CFAP47: variants seen among roughly 807,000 people sequenced by gnomAD.
CFAP47 encodes the protein cilia- and flagella-associated protein 47.
In CFAP47, 29 loss-of-function variants were observed where a neutral mutation model predicts 148.1. That is an observed-to-expected ratio of 0.20 (90% CI 0.15 to 0.27). The LOEUF is 0.27. CFAP47 is among the 10% of genes least tolerant of loss of function. CFAP47 has a pLI of 1.00. For synonymous variants in CFAP47, 664 were observed against 577.3 expected (o/e 1.15, Z -2.15); for missense variants, 1,872 against 1,697.5 (o/e 1.10, Z -1.81).
At chrX:36,236,608 A>G (rs1346319814) in intron 47 of CFAP47, 78 bp from the exon 48 acceptor site, 1 of 435,627 alleles carries the variant, frequency 2.3e-6, no homozygotes, top group African/African-American at 2.5e-5. Flanking sequence ...ATCAGACACA[A>G]GAAGAATAAG....
intron 44 of CFAP47, among the ~76,000 whole-genome samples, chrX:36,203,051 T>C (rs189690743): frequency 1.3e-4 from 14 of 111,592 alleles, no homozygotes; most frequent in Non-Finnish European, 2.4e-4. Context: ...CTAGAATCAA[T>C]ACAGCCTAAT....
intron 6 of CFAP47, among the ~76,000 whole-genome samples, chrX:35,952,468 T>G (rs1936181861): frequency 8.9e-6 from 1 of 112,270 alleles, no homozygotes; most frequent in Non-Finnish European, 1.9e-5. Context: ...TTTTCATAAT[T>G]CCATGAACTT....
chrX:36,117,087 G>A (rs1439116939), intron 33 of CFAP47, among the ~76,000 whole-genome samples: 4 of 112,108 alleles, frequency 3.6e-5, no homozygotes, highest in Non-Finnish European at 7.5e-5. Flanking sequence ...ACAAGACTTT[G>A]TTCTTTTTAT....
At chrX:35,929,376 T>G (rs1277644262) in intron 2 of CFAP47, among the ~76,000 whole-genome samples, 1 of 112,357 alleles carries the variant, frequency 8.9e-6, no homozygotes, top group Non-Finnish European at 1.9e-5. Flanking sequence ...CTACATGTGT[T>G]GTTAAGTGTA....
chrX:35,975,450 T>C, intron 14 of CFAP47, 87 bp downstream of exon 14: 1 of 670,784 alleles, frequency 1.5e-6, no homozygotes, highest in Non-Finnish European at 2.2e-6. Context: ...AATTGTATTG[T>C]ATATTATATT....
rs1018591660 is a variant in CFAP47 at position 36,137,554 on chromosome X, G to C, written c.5321-404G>C. Among the ~76,000 whole-genome samples, 23 of 110,703 alleles carry C rather than the reference G, an allele frequency of 2.1e-4. 1 individual carries two copies. The highest frequency in any genetic ancestry group is 7.5e-4 in the African/African-American group (23 of 30,561). The stretch of plus-strand genomic sequence containing the variant: ...TGGATGAATTTCTGCAAGAAATAAA[G>C]AAACTGGCACTAGCACTCTAAAGTT... On this transcript the variant is annotated intron_variant, in intron 33 of 63. Transcript: ENST00000378653.
chrX:36,330,634 G>C (rs1201103799), intron 57 of CFAP47, among the ~76,000 whole-genome samples: 3 of 112,037 alleles, frequency 2.7e-5, no homozygotes, highest in Non-Finnish European at 5.6e-5. Flanking sequence ...TAATAATAAA[G>C]AGGAGTGAAA....
At chrX:36,051,574 C>A (rs1431780359) in intron 26 of CFAP47, among the ~76,000 whole-genome samples, 3 of 111,513 alleles carry the variant, frequency 2.7e-5, no homozygotes, top group Non-Finnish European at 5.6e-5. Flanking sequence ...AATACCTGTC[C>A]CCCATTATAT....
At chrX:36,277,567 A>T (rs1354432408) in intron 49 of CFAP47, among the ~76,000 whole-genome samples, 1 of 112,564 alleles carries the variant, frequency 8.9e-6, no homozygotes, top group African/African-American at 3.2e-5. Context: ...AAACACAAAC[A>T]TATACATATT....
At chrX:35,994,205 T>TG (rs1470797066) in intron 18 of CFAP47, among the ~76,000 whole-genome samples, 1 of 110,377 alleles carries the variant, frequency 9.1e-6, no homozygotes, top group Non-Finnish European at 1.9e-5. Flanking sequence ...GAGCTTGCAG[T>TG]GAGCTGAGAT....
At chrX:36,027,792 C>T (rs1277849986) in intron 22 of CFAP47, among the ~76,000 whole-genome samples, 1 of 111,737 alleles carries the variant, frequency 8.9e-6, no homozygotes, top group African/African-American at 3.2e-5. Context: ...TAAGTGTTCA[C>T]TTTTTTTCCA....
chrX:36,349,776 A>G (rs1941727360), intron 58 of CFAP47, among the ~76,000 whole-genome samples: 1 of 111,388 alleles, frequency 9.0e-6, no homozygotes. Context: ...TCATTAAAGT[A>G]GGGAAAAAAG....
chrX:36,220,432 T>TTA (rs1395518302), intron 45 of CFAP47, among the ~76,000 whole-genome samples: 1 of 110,332 alleles, frequency 9.1e-6, no homozygotes, highest in African/African-American at 3.3e-5. Flanking sequence ...CATATATATG[T>TTA]TATATATATA....
At chrX:36,235,384 C>T (rs781783261) in intron 46 of CFAP47, among the ~76,000 whole-genome samples, 2 of 112,386 alleles carry the variant, frequency 1.8e-5, no homozygotes, top group Non-Finnish European at 3.8e-5. Context: ...GTTGTGCTAG[C>T]AATCAGCGAG....
intron 26 of CFAP47, among the ~76,000 whole-genome samples, chrX:36,061,141 T>C (rs771892739): frequency 1.8e-5 from 2 of 110,453 alleles, no homozygotes; most frequent in Non-Finnish European, 3.8e-5. Flanking sequence ...TAAAAGTGTG[T>C]AGCATCTCCC....
At position 36,337,086 on chromosome X, in the gene CFAP47, C is replaced by T. The variant is rs189827998; in HGVS notation, c.8444-11043C>T. 2.7e-5 allele frequency among the ~76,000 whole-genome samples: 3 copies of T among 112,240 alleles called. No homozygotes were observed. The East Asian group carries it at 8.4e-4, about 31-fold the overall frequency. ...TTTATAGCCTAAAGCATGTGAGTTT[C>T]CGAGCTAGTCAGTGAAGCTGCTGAT... On this transcript the variant is annotated intron_variant, in intron 57 of 63. Coordinates refer to ENST00000378653, the MANE Select transcript of CFAP47 (RefSeq NM_001304548.2).
chrX:36,366,691 A>T (rs1207515236), intron 61 of CFAP47, among the ~76,000 whole-genome samples: 2 of 111,529 alleles, frequency 1.8e-5, no homozygotes, highest in African/African-American at 6.5e-5. Flanking sequence ...TTCATTCTGC[A>T]TATGTTGTTG....
At chrX:35,935,586 T>TA (rs1390527077) in intron 2 of CFAP47, among the ~76,000 whole-genome samples, 5 of 102,710 alleles carry the variant, frequency 4.9e-5, no homozygotes, top group Admixed American at 1.1e-4. Context: ...TTTTTTTTTT[T>TA]ATATAGATAG....
At chrX:36,118,460 T>C (rs909796017) in intron 33 of CFAP47, among the ~76,000 whole-genome samples, 2 of 110,618 alleles carry the variant, frequency 1.8e-5, no homozygotes, top group Non-Finnish European at 3.8e-5. Context: ...TTTTACATCT[T>C]TTAATTAATT....
Sources: gnomAD v4.1 joint callset for allele counts (sites outside exome capture counted in the v4.1 genomes callset) on GRCh38, gnomAD v4.1.1 for gene constraint, MANE v1.5 for transcripts, NCBI Gene and HGNC (gene_info 2026-07-23, HGNC 2026-07-21) for gene names.